Variants in PDCL2 observed in about 807,000 individuals in gnomAD.
PDCL2 encodes phosducin-like protein 2.
A neutral mutation model predicts 30.3 loss-of-function variants in PDCL2; 23 were observed. The ratio of observed to expected loss-of-function variants is 0.76; its 90% confidence interval spans 0.55 to 1.08. The LOEUF (loss-of-function observed/expected upper bound fraction) is 1.08, where lower values mean the gene tolerates loss of function less well. Among genes scored for constraint, PDCL2 ranks in the 50% least tolerant of loss-of-function variants. The pLI is 0.00. For synonymous variants in PDCL2, 68 were observed against 86.2 expected (o/e 0.79, Z 1.17); for missense variants, 243 against 282.3 (o/e 0.86, Z 1.00).
At chr4:55,580,966 C>T (rs1306811886) in intron 2 of PDCL2, 55 bp from the exon 3 acceptor site, 4 of 1,312,222 alleles carry the variant, frequency 3.0e-6, no homozygotes, top group Admixed American at 2.7e-5. Context: ...TTTTACTATA[C>T]AGTCAATGTC....
chr4:55,587,605 A>G (rs1433900603), intron 1 of PDCL2, among the ~76,000 whole-genome samples: 2 of 150,274 alleles, frequency 1.3e-5, no homozygotes, highest in Middle Eastern at 3.2e-3. Context: ...ATTGCTCAGG[A>G]TGGAGTGCAG....
At chr4:55,589,785 G>T (rs1000480864) in intron 1 of PDCL2, among the ~76,000 whole-genome samples, 2 of 152,200 alleles carry the variant, frequency 1.3e-5, no homozygotes, top group African/African-American at 4.8e-5. Context: ...ATGAGTGTAT[G>T]TCAAAGAGGT....
At chr4:55,578,938 T>C (rs547367375) in intron 3 of PDCL2, among the ~76,000 whole-genome samples, 3 of 152,332 alleles carry the variant, frequency 2.0e-5, no homozygotes, top group South Asian at 4.1e-4. Flanking sequence ...ACTGTTCTGA[T>C]GGTGATTTTT....
chr4:55,590,334 T>A (rs1469132546), intron 1 of PDCL2, among the ~76,000 whole-genome samples: 1 of 150,136 alleles, frequency 6.7e-6, no homozygotes, highest in Admixed American at 6.6e-5. Context: ...AAAAATTAAC[T>A]GTGTATGGTG....
At chr4:55,558,677 A>G (rs1732047795) in intron 5 of PDCL2, among the ~76,000 whole-genome samples, 1 of 152,234 alleles carries the variant, frequency 6.6e-6, no homozygotes, top group African/African-American at 2.4e-5. Context: ...AAGAAAGTAT[A>G]GGAGAATATA....
At chr4:55,580,970 C>G in intron 2 of PDCL2, 59 bp from the exon 3 acceptor site, 1 of 1,260,842 alleles carries the variant, frequency 7.9e-7, no homozygotes, top group Non-Finnish European at 1.1e-6. Flanking sequence ...ACTATACAGT[C>G]AATGTCTAGA....
intron 3 of PDCL2, among the ~76,000 whole-genome samples, chr4:55,572,452 G>A (rs1377886934): frequency 2.6e-5 from 4 of 152,148 alleles, no homozygotes; most frequent in Non-Finnish European, 4.4e-5. Flanking sequence ...AAACTATTCT[G>A]AGAATCAGAA....
At chr4:55,582,586 G>A (rs953853254) in intron 1 of PDCL2, among the ~76,000 whole-genome samples, 2 of 152,150 alleles carry the variant, frequency 1.3e-5, no homozygotes, top group Non-Finnish European at 2.9e-5. Flanking sequence ...AAGCATTCAA[G>A]ACCATCAGAT....
chr4:55,586,258 G>T (rs541668513), intron 1 of PDCL2, among the ~76,000 whole-genome samples: 1 of 152,208 alleles, frequency 6.6e-6, no homozygotes, highest in African/African-American at 2.4e-5. Flanking sequence ...CCACATGTTT[G>T]TTAATTTTCT....
chr4:55,576,106 CTTT>C (rs1732562042), intron 3 of PDCL2, among the ~76,000 whole-genome samples: 1 of 149,250 alleles, frequency 6.7e-6, no homozygotes, highest in African/African-American at 2.5e-5. Context: ...TTTTTTTTTT[CTTT>C]TTGAGACAGT....
rs1373169002 is a variant in PDCL2, at chr4:55,592,236, G to T, written c.-127C>A. The T allele has an allele frequency of 2.2e-6, 3 of 1,363,880 alleles. No individual in the cohort carries two copies. The highest frequency in any genetic ancestry group is 2.6e-5 in the South Asian group (2 of 77,298). The allele number at this position is 1,363,880 out of a possible 1,614,324, so 84.5% of individuals were successfully genotyped here. A position where few individuals can be genotyped will look rare whatever the true frequency, so the allele number is the denominator to read the frequency against. On this transcript the variant is annotated 5_prime_UTR_variant, in exon 1 of 6. Coordinates refer to ENST00000295645, the MANE Select transcript of PDCL2 (RefSeq NM_152401.3). ...TCAGGCCCGGCGGTTTCGAGTGACC[G>T]CCAGAAGAGGGAGAGGCGAACAAGG...
intron 3 of PDCL2, among the ~76,000 whole-genome samples, chr4:55,579,728 A>G (rs1732661162): frequency 6.6e-6 from 1 of 152,036 alleles, no homozygotes; most frequent in African/African-American, 2.4e-5. Flanking sequence ...ACAGGGTCTT[A>G]CTATGTTGAC....
At chr4:55,558,465 G>A (rs1732041785) in intron 5 of PDCL2, among the ~76,000 whole-genome samples, 1 of 152,170 alleles carries the variant, frequency 6.6e-6, no homozygotes, top group South Asian at 2.1e-4. Context: ...ATTCTGCCAT[G>A]ATTGTAAGTT....
intron 3 of PDCL2, 74 bp from the exon 4 acceptor site, chr4:55,569,935 A>G: frequency 9.1e-7 from 1 of 1,097,366 alleles, no homozygotes; most frequent in Non-Finnish European, 1.3e-6. Flanking sequence ...TGTAATAACA[A>G]TTTAGGGCAA....
At chr4:55,565,922 CT>C (rs1313856241) in intron 4 of PDCL2, among the ~76,000 whole-genome samples, 6 of 149,268 alleles carry the variant, frequency 4.0e-5, no homozygotes, top group African/African-American at 1.5e-4. Flanking sequence ...AAATTAACAG[CT>C]GTCCTTCAAC....
At chr4:55,565,899 G>A (rs1365072225) in intron 4 of PDCL2, among the ~76,000 whole-genome samples, 1 of 149,570 alleles carries the variant, frequency 6.7e-6, no homozygotes, top group East Asian at 1.9e-4. Flanking sequence ...CCATTGTGTG[G>A]TTACAAAAAC....
At chr4:55,567,410 C>T (rs1474193675) in intron 4 of PDCL2, among the ~76,000 whole-genome samples, 2 of 152,136 alleles carry the variant, frequency 1.3e-5, no homozygotes, top group South Asian at 4.2e-4. Context: ...TGGTGCAGAC[C>T]TGTAGTCCAA....
chr4:55,586,647 A>G (rs1732870113), intron 1 of PDCL2, among the ~76,000 whole-genome samples: 1 of 152,190 alleles, frequency 6.6e-6, no homozygotes, highest in South Asian at 2.1e-4. Context: ...GGGTATACAA[A>G]TATCTGTTTA....
chr4:55,587,947 T>G (rs1335050805), intron 1 of PDCL2, among the ~76,000 whole-genome samples: 1 of 152,248 alleles, frequency 6.6e-6, no homozygotes, highest in Non-Finnish European at 1.5e-5. Flanking sequence ...TTTTGTTACC[T>G]GTGCTTTTGG....
Sources: gnomAD v4.1 joint callset for allele counts (sites outside exome capture counted in the v4.1 genomes callset) on GRCh38, gnomAD v4.1.1 for gene constraint, MANE v1.5 for transcripts, NCBI Gene and HGNC (gene_info 2026-07-23, HGNC 2026-07-21) for gene names.